Variants in SORCS3 observed in about 807,000 individuals in gnomAD.
SORCS3 encodes VPS10 domain-containing receptor SorCS3.
A neutral mutation model predicts 146.3 loss-of-function variants in SORCS3; 57 were observed. The ratio of observed to expected loss-of-function variants is 0.39; its 90% CI spans 0.31 to 0.49. The LOEUF (loss-of-function observed/expected upper bound fraction) is 0.49, where lower values mean the gene tolerates loss of function less well. Ranked by LOEUF, SORCS3 falls within the 20% of genes least tolerant of loss-of-function variation. The pLI is 0.92. For missense variants in SORCS3, 1,341 were observed against 1,575.5 expected (o/e 0.85, Z 2.52); for synonymous variants, 653 against 618.5 (o/e 1.06, Z -0.83).
At chr10:105,024,186 A>G (rs575898264) in intron 4 of SORCS3, among the ~76,000 whole-genome samples, 1 of 152,230 alleles carries the variant, frequency 6.6e-6, no homozygotes, top group African/African-American at 2.4e-5. Context: ...TTCACACTGT[A>G]TTGTTTGTGA....
chr10:105,157,645 A>G (rs1454217250), intron 10 of SORCS3, among the ~76,000 whole-genome samples: 1 of 152,164 alleles, frequency 6.6e-6, no homozygotes, highest in African/African-American at 2.4e-5. Flanking sequence ...TGCTTGCTAG[A>G]TGTTGAGGCA....
In SORCS3 at chr10:104,641,700, C is replaced by T. The variant is rs547954105; in HGVS notation, c.373C>T (p.Leu125Phe). 4 of 1,536,880 alleles carry T rather than the reference C, an allele frequency of 2.6e-6. No homozygotes were observed. The highest frequency in any genetic ancestry group is 4.0e-5 in the Admixed American group (2 of 50,518). ...RGRGIPAPAK[L>F]GGARRSRRAQ... ...CCGGGGCATCCCAGCTCCTGCCAAG[C>T]TTGGCGGCGCGAGGAGGAGTCGCCG... is the stretch of plus-strand genomic sequence containing the variant. The change falls in exon 1 of 27, where the codon CTT (leucine) becomes TTT (phenylalanine). Residue 125 changes from leucine to phenylalanine, a missense_variant. Leu to Phe is a conservative substitution (Grantham distance 22). Transcript: ENST00000369701. The surrounding 1 kb of genome is among the most constrained non-coding windows in gnomAD (Gnocchi z 6.4).
chr10:105,252,490 C>T (rs1009866596), intron 22 of SORCS3, among the ~76,000 whole-genome samples: 3 of 152,150 alleles, frequency 2.0e-5, no homozygotes, highest in Non-Finnish European at 1.5e-5. Flanking sequence ...GGAACTTTTG[C>T]CAATGTTCCC....
chr10:105,033,658 A>G (rs1487490746), intron 4 of SORCS3, among the ~76,000 whole-genome samples: 1 of 152,246 alleles, frequency 6.6e-6, no homozygotes, highest in African/African-American at 2.4e-5. Flanking sequence ...TTAGAGAGCT[A>G]TAAGAGAAGC....
intron 3 of SORCS3, 132 bp downstream of exon 3, chr10:104,916,064 A>G: frequency 4.6e-6 from 3 of 652,306 alleles, no homozygotes; most frequent in Non-Finnish European, 8.2e-6. Context: ...TGGGAACTTC[A>G]TAAACGCTGT....
At chr10:105,190,218 G>A (rs1280958646) in intron 14 of SORCS3, among the ~76,000 whole-genome samples, 1 of 152,184 alleles carries the variant, frequency 6.6e-6, no homozygotes, top group Non-Finnish European at 1.5e-5. Context: ...TGCTGCAAAT[G>A]CCTAAATTTG....
chr10:104,959,431 G>A (rs931432681), intron 3 of SORCS3, among the ~76,000 whole-genome samples: 53 of 152,076 alleles, frequency 3.5e-4, no homozygotes, highest in African/African-American at 1.2e-3. Flanking sequence ...CATCACATGA[G>A]GACACAGTGA....
At chr10:105,251,660 G>A (rs1035781949) in intron 22 of SORCS3, among the ~76,000 whole-genome samples, 1 of 152,152 alleles carries the variant, frequency 6.6e-6, no homozygotes, top group African/African-American at 2.4e-5. Flanking sequence ...AGGTGGTGAT[G>A]TTCTGGATAA....
chr10:104,934,758 T>A (rs1026793319), intron 3 of SORCS3, among the ~76,000 whole-genome samples: 7 of 152,232 alleles, frequency 4.6e-5, no homozygotes, highest in Admixed American at 2.0e-4. Context: ...TTTGGAATTA[T>A]AACCAAGTTA....
chr10:105,140,281 G>A (rs2056086137), intron 8 of SORCS3, among the ~76,000 whole-genome samples: 2 of 152,182 alleles, frequency 1.3e-5, no homozygotes, highest in South Asian at 4.2e-4. Context: ...ATGAGAAAGT[G>A]GATAATTTCC....
At chr10:104,656,386 G>T (rs1310283357) in intron 1 of SORCS3, among the ~76,000 whole-genome samples, 1 of 152,168 alleles carries the variant, frequency 6.6e-6, no homozygotes, top group Non-Finnish European at 1.5e-5. Context: ...GCCTGGCCTG[G>T]TGGCTTATGC....
chr10:105,034,580 A>C (rs1346437198), intron 4 of SORCS3, among the ~76,000 whole-genome samples: 2 of 152,160 alleles, frequency 1.3e-5, no homozygotes, highest in Non-Finnish European at 2.9e-5. Flanking sequence ...ATATGGGGCA[A>C]GCCTCATCTA....
chr10:105,030,050 A>C (rs1174454063), intron 4 of SORCS3, among the ~76,000 whole-genome samples: 1 of 152,200 alleles, frequency 6.6e-6, no homozygotes, highest in African/African-American at 2.4e-5. Context: ...TACTTACATA[A>C]GACTGAGATT....
rs1206643136 is a variant in SORCS3 at position 104,792,849 on chromosome 10, C to T, written c.628-49943C>T. Among the ~76,000 whole-genome samples the T allele has an allele frequency of 3.3e-5, 5 of 152,166 alleles. No individual in the cohort carries two copies. The East Asian group carries it at 7.7e-4, about 24-fold the overall frequency. On this transcript the variant is annotated intron_variant, in intron 1 of 26. Coordinates refer to ENST00000369701, the MANE Select transcript of SORCS3 (RefSeq NM_014978.3). ...ACTGTGGGAGTCTCATTCTTCCTCCCCAGGAAGACTCCTTGAGTCTCACAC... is the reference window on the plus strand; with the variant it reads ...ACTGTGGGAGTCTCATTCTTCCTCCTCAGGAAGACTCCTTGAGTCTCACAC...
At chr10:104,726,312 C>T (rs570568729) in intron 1 of SORCS3, among the ~76,000 whole-genome samples, 35 of 152,276 alleles carry the variant, frequency 2.3e-4, no homozygotes, top group South Asian at 1.5e-3. Flanking sequence ...CCTGAGTGTT[C>T]GTACTTGGCC....
intron 11 of SORCS3, among the ~76,000 whole-genome samples, chr10:105,163,878 GCACATACACACACA>G (rs2056288710): frequency 2.7e-5 from 3 of 112,418 alleles, no homozygotes; most frequent in Non-Finnish European, 1.9e-5. Context: ...ACACAGTTAC[GCACATACACACACA>G]CACACACACA....
At chr10:105,056,708 G>A (rs2055448321) in intron 5 of SORCS3, among the ~76,000 whole-genome samples, 1 of 152,140 alleles carries the variant, frequency 6.6e-6, no homozygotes, top group African/African-American at 2.4e-5. Flanking sequence ...ATTCTCTGGT[G>A]AAAAATTATA....
chr10:104,878,902 G>C (rs1010310012), intron 2 of SORCS3, among the ~76,000 whole-genome samples: 1 of 152,138 alleles, frequency 6.6e-6, no homozygotes, highest in Non-Finnish European at 1.5e-5. Flanking sequence ...CACAGTGGAT[G>C]TTTTTGAAGG....
intron 5 of SORCS3, among the ~76,000 whole-genome samples, chr10:105,087,497 A>AAAAG (rs1415153906): frequency 2.0e-5 from 3 of 151,846 alleles, no homozygotes; most frequent in Admixed American, 1.3e-4. Flanking sequence ...GAAAAAAAAA[A>AAAAG]AAAGAAAGAA....
Sources: allele counts gnomAD v4.1 joint callset (sites outside exome capture counted in the v4.1 genomes callset), GRCh38; gene constraint gnomAD v4.1.1; non-coding constraint Gnocchi (gnomAD v3.1); transcripts MANE v1.5; gene names NCBI Gene and HGNC (gene_info 2026-07-23, HGNC 2026-07-21).